The following ELL variants were observed in gnomAD, a reference collection of about 807,000 sequenced individuals.
The protein encoded by ELL is RNA polymerase II elongation factor ELL.
In ELL, 18 loss-of-function variants were observed where a neutral mutation model predicts 64.0. The ratio of observed to expected loss-of-function variants is 0.28; its 90% CI spans 0.19 to 0.42. The LOEUF (loss-of-function observed/expected upper bound fraction) is 0.42, where lower values mean the gene tolerates loss of function less well. ELL is among the 10% of genes least tolerant of loss of function. The pLI, the probability that ELL is intolerant of heterozygous loss-of-function variation, is 1.00. For missense variants in ELL, 797 were observed against 870.4 expected (o/e 0.92, Z 1.06); for synonymous variants, 399 against 376.2 (o/e 1.06, Z -0.70).
At chr19:18,491,010 T>A (rs1041582643) in intron 1 of ELL, among the ~76,000 whole-genome samples, 1 of 152,190 alleles carries the variant, frequency 6.6e-6, no homozygotes, top group Non-Finnish European at 1.5e-5. Flanking sequence ...TATCCAGCTG[T>A]TTGGCCAAAC....
intron 1 of ELL, among the ~76,000 whole-genome samples, chr19:18,513,407 A>G (rs1378106016): frequency 6.6e-6 from 1 of 152,228 alleles, no homozygotes; most frequent in African/African-American, 2.4e-5. Context: ...AAGGTGCAGC[A>G]TTAAAACATA....
Position 18,458,528 on chromosome 19 carries a change from G to A in ELL, c.745-199C>T, listed in dbSNP as rs756400383. Among the ~76,000 whole-genome samples the A allele has an allele frequency of 3.3e-5, 5 of 152,146 alleles. 1 individual carries two copies. The highest frequency in any genetic ancestry group is 2.6e-4 in the Admixed American group (4 of 15,270). ...AGTTCCCCCGCACACAATCCTCAGGGTGCAGAAGGGATAATGAGGGTCATG... is the reference window on the plus strand; with the variant it reads ...AGTTCCCCCGCACACAATCCTCAGGATGCAGAAGGGATAATGAGGGTCATG... On this transcript the variant is annotated intron_variant, in intron 5 of 11. Coordinates refer to ENST00000262809, the MANE Select transcript of ELL (RefSeq NM_006532.4).
intron 1 of ELL, among the ~76,000 whole-genome samples, chr19:18,503,518 G>A (rs560878687): frequency 2.0e-5 from 3 of 152,250 alleles, no homozygotes; most frequent in South Asian, 2.1e-4. Context: ...CAGGACACAC[G>A]TTCCTCCTCA....
In ELL at chr19:18,478,049, T is replaced by C. The variant is rs919773263; in HGVS notation, c.136-5167A>G. ...AAGGGCCCAGGAGGTGAGTGTCGGCTGCAGACAGGCAGAGCCAGCTAGGTC... is the reference window on the plus strand; with the variant it reads ...AAGGGCCCAGGAGGTGAGTGTCGGCCGCAGACAGGCAGAGCCAGCTAGGTC... On this transcript the variant is annotated intron_variant, in intron 1 of 11. Coordinates refer to ENST00000262809, the MANE Select transcript of ELL (RefSeq NM_006532.4). Among the ~76,000 whole-genome samples, 7 of 152,100 alleles carry C rather than the reference T, an allele frequency of 4.6e-5. No homozygotes were observed. In the East Asian group the frequency reaches 1.4e-3, roughly 29 times the overall value.
At chr19:18,445,139 G>C in intron 11 of ELL, 85 bp downstream of exon 11, 3 of 1,560,842 alleles carry the variant, frequency 1.9e-6, no homozygotes, top group Non-Finnish European at 2.6e-6. Context: ...GGAAGTAGCG[G>C]GCAGGGAGGC....
chr19:18,504,295 C>T (rs572386060), intron 1 of ELL, among the ~76,000 whole-genome samples: 2 of 152,328 alleles, frequency 1.3e-5, no homozygotes, highest in South Asian at 4.1e-4. Context: ...GAGGCCACTC[C>T]TGCTCTGTTT....
chr19:18,521,976 T>G lies in ELL; in HGVS notation c.80A>C (p.His27Pro). The change falls in exon 1 of 12, where the codon CAC becomes CCC. Residue 27 changes from histidine (H) to proline (P), a missense_variant. By Grantham distance (77) the His-to-Pro change is moderately conservative (BLOSUM62 -2). Coordinates refer to ENST00000262809, the MANE Select transcript of ELL (RefSeq NM_006532.4). Reference sequence around the variant, plus strand: ...CAGGGCACTGTCGGTGAGCTTCACGTGGAACACCGACACCTTGCTGCCGTC... The same window carrying G: ...CAGGGCACTGTCGGTGAGCTTCACGGGGAACACCGACACCTTGCTGCCGTC... ...VSDGSKVSVF[H>P]VKLTDSALRA... The G allele has an allele frequency of 6.2e-7, 1 of 1,611,236 alleles. No individual in the cohort carries two copies. The highest frequency in any genetic ancestry group is 1.3e-5 in the African/African-American group (1 of 74,546).
intron 1 of ELL, chr19:18,473,174 C>T (rs1008254720): frequency 2.4e-5 from 16 of 654,146 alleles, no homozygotes; most frequent in Admixed American, 1.4e-4. Context: ...GATGCAGGGG[C>T]GGGGAGTGTG....
At chr19:18,452,183 A>G (rs527336966) in intron 6 of ELL, among the ~76,000 whole-genome samples, 8 of 152,206 alleles carry the variant, frequency 5.3e-5, no homozygotes, top group African/African-American at 1.9e-4. Context: ...GGCAAGTGGA[A>G]TCCCCCACCC....
At chr19:18,483,420 T>C (rs1293788552) in intron 1 of ELL, among the ~76,000 whole-genome samples, 3 of 152,186 alleles carry the variant, frequency 2.0e-5, no homozygotes, top group Admixed American at 1.3e-4. Flanking sequence ...TGTCCATTCC[T>C]GCGTCATAGC....
At chr19:18,446,947 T>C in intron 8 of ELL, 133 bp from the exon 9 acceptor site, 2 of 998,736 alleles carry the variant, frequency 2.0e-6, no homozygotes, top group Non-Finnish European at 3.1e-6. Flanking sequence ...GCAGAGGGGA[T>C]GACTGTGTGG....
chr19:18,454,061 T>G (rs1036335404), intron 6 of ELL, among the ~76,000 whole-genome samples: 1 of 152,120 alleles, frequency 6.6e-6, no homozygotes, highest in African/African-American at 2.4e-5. Context: ...GGTTTCCTTT[T>G]GGGGAAATGA....
intron 1 of ELL, among the ~76,000 whole-genome samples, chr19:18,491,453 G>T (rs1348214021): frequency 6.6e-6 from 1 of 151,812 alleles, no homozygotes. Context: ...ACCCTCCAAC[G>T]TATGGGTGGG....
chr19:18,455,466 C>A (rs1372174800), intron 6 of ELL, among the ~76,000 whole-genome samples: 2 of 145,918 alleles, frequency 1.4e-5, no homozygotes, highest in Non-Finnish European at 3.0e-5. Flanking sequence ...CTCCAGCCTG[C>A]GTGACAGAGC....
chr19:18,495,436 G>A (rs1487445156), intron 1 of ELL, among the ~76,000 whole-genome samples: 7 of 152,174 alleles, frequency 4.6e-5, no homozygotes, highest in Non-Finnish European at 7.4e-5. Context: ...CCACTCACTC[G>A]CATCCCCATC....
rs555291186 is a variant in ELL, at chr19:18,454,412, T to C, written c.870-2764A>G. Among the ~76,000 whole-genome samples, 63 of 151,850 alleles carry C rather than the reference T, an allele frequency of 4.1e-4. No individual in the cohort carries two copies. The South Asian group carries it at 7.9e-3, about 19-fold the overall frequency. ...TACTCGCGAGGCTGAGGCAGGAGAA[T>C]GGTGTCAACCCAGGAGGCGGAGCTA... On this transcript the variant is annotated intron_variant, in intron 6 of 11. Coordinates refer to ENST00000262809, the MANE Select transcript of ELL (RefSeq NM_006532.4).
chr19:18,495,762 G>A (rs564573894), intron 1 of ELL, among the ~76,000 whole-genome samples: 71 of 152,216 alleles, frequency 4.7e-4, no homozygotes, highest in Non-Finnish European at 9.3e-4. Context: ...GTGGAGGGAT[G>A]GGGAGGCAGG....
intron 2 of ELL, among the ~76,000 whole-genome samples, chr19:18,470,538 G>A (rs562561516): frequency 6.6e-6 from 1 of 152,232 alleles, no homozygotes; most frequent in Non-Finnish European, 1.5e-5. Flanking sequence ...GTGGCCAAAG[G>A]GTGACCACAA....
Position 18,445,278 on chromosome 19 carries a change from A to C in ELL, c.1705-10T>G. 1 of 1,613,798 alleles carries C rather than the reference A, an allele frequency of 6.2e-7. No individual in the cohort carries two copies. Among genetic ancestry groups the C allele is most frequent in the Non-Finnish European group, 8.5e-7 (1 of 1,179,930 alleles). On this transcript the variant is annotated splice_polypyrimidine_tract_variant and intron_variant, in intron 10 of 11. Transcript: ENST00000262809. ...TCTGCCCTCGAGTAGTCTAGAAGAAAAACAAAATTTTGAGAAAACAGAATG... is the reference window on the plus strand; with the variant it reads ...TCTGCCCTCGAGTAGTCTAGAAGAACAACAAAATTTTGAGAAAACAGAATG...
Sources: allele counts gnomAD v4.1 joint callset (sites outside exome capture counted in the v4.1 genomes callset), GRCh38; gene constraint gnomAD v4.1.1; transcripts MANE v1.5; gene names NCBI Gene and HGNC (gene_info 2026-07-23, HGNC 2026-07-21).